Variants in KLHL8 observed in about 807,000 individuals in gnomAD.
KLHL8 encodes the protein kelch-like protein 8.
A neutral mutation model predicts 63.5 loss-of-function variants in KLHL8; 38 were observed. The ratio of observed to expected loss-of-function variants is 0.60; its 90% confidence interval spans 0.46 to 0.78. The LOEUF is 0.78. KLHL8 is among the 30% of genes least tolerant of loss of function. The probability of loss-of-function intolerance (pLI) is 0.00; values close to 1 mark genes in which losing one functional copy is unlikely to be tolerated. For missense variants in KLHL8, 566 were observed against 752.4 expected, an observed-to-expected ratio of 0.75 and a Z score of 2.90; for synonymous variants, 224 against 254.3, an observed-to-expected ratio of 0.88 and a Z score of 1.13.
At position 87,183,369 on chromosome 4, in the gene KLHL8, C is replaced by T. The variant is rs201777476; in HGVS notation, c.786G>A (p.Pro262=). 21 of 1,605,736 alleles carry T rather than the reference C, an allele frequency of 1.3e-5. No individual in the cohort carries two copies. Among genetic ancestry groups the T allele is most frequent in the South Asian group, 1.1e-4 (10 of 90,170 alleles). Residue 262 remains proline (P), a synonymous_variant, in exon 4 of 10, where the codon CCG becomes CCA. Coordinates refer to ENST00000273963, the MANE Select transcript of KLHL8 (RefSeq NM_020803.5). The stretch of plus-strand genomic sequence containing the variant: ...CCACAACACCCATAAGAAAATCAAC[C>T]GGCAACAATGGCAGGCGAACCTAAG... The part of the protein sequence containing the change: ...TLAQVRLPLL[P]VDFLMGVVAK...
At chr4:87,237,582 A>G (rs1733253818) in intron 1 of KLHL8, among the ~76,000 whole-genome samples, 1 of 152,200 alleles carries the variant, frequency 6.6e-6, no homozygotes, top group Non-Finnish European at 1.5e-5. Flanking sequence ...TAATTCCAGC[A>G]CTTTGGGAGG....
chr4:87,164,969 A>G (rs1730328048), intron 8 of KLHL8, among the ~76,000 whole-genome samples: 1 of 151,964 alleles, frequency 6.6e-6, no homozygotes, highest in Non-Finnish European at 1.5e-5. Context: ...TAACACGGTG[A>G]AACCCCGTCT....
upstream of KLHL8, among the ~76,000 whole-genome samples, chr4:87,225,057 C>A (rs1444763640): frequency 1.3e-5 from 2 of 152,042 alleles, no homozygotes; most frequent in Non-Finnish European, 2.9e-5. Flanking sequence ...TTCGGAGTGG[C>A]TGGGATTACA....
intron 3 of KLHL8, 123 bp from the exon 4 acceptor site, chr4:87,183,512 T>A: frequency 1.4e-6 from 1 of 731,464 alleles, no homozygotes. Context: ...TACTGCAGCA[T>A]GTTCTCTTTT....
intron 1 of KLHL8, among the ~76,000 whole-genome samples, chr4:87,226,814 T>A (rs1386494831): frequency 3.3e-4 from 4 of 12,276 alleles, no homozygotes; most frequent in African/African-American, 5.9e-4. Flanking sequence ...ATATATTATA[T>A]ATAATATATA....
chr4:87,162,993 G>C lies in KLHL8; in HGVS notation c.*526C>G, dbSNP rs567013448. 1 of 151,456 alleles carries C rather than the reference G, an allele frequency of 6.6e-6. No homozygotes were observed. The highest frequency in any genetic ancestry group is 2.4e-5 in the African/African-American group (1 of 41,272). The allele number at this position is 151,456 out of a possible 1,614,324, so 9.4% of individuals were successfully genotyped here. ...TTTTTCTACTTCCGTAAATATAAAA[G>C]AAATTGAAAAATCACCACCTAGAAA... On this transcript the variant is annotated 3_prime_UTR_variant, in exon 10 of 10. Transcript: ENST00000273963.
chr4:87,169,866 C>G (rs572325393), intron 8 of KLHL8, among the ~76,000 whole-genome samples: 22 of 21,650 alleles, frequency 1.0e-3, no homozygotes, highest in Non-Finnish European at 6.9e-3. Context: ...CTGTCTCCCT[C>G]TGAAAAAAAA....
chr4:87,178,594 C>G lies in KLHL8; in HGVS notation c.979G>C (p.Gly327Arg). The change falls in exon 5 of 10, where the codon GGT becomes CGT. Residue 327 changes from glycine to arginine, a missense_variant. Physicochemically the swap from Gly to Arg is moderately radical, Grantham distance 125 (BLOSUM62 -2). Coordinates refer to ENST00000273963, the MANE Select transcript of KLHL8 (RefSeq NM_020803.5). ...CTGCGAAAGGGGTCACCAGATCCACCTCGACCACCTACACAAAACAGCACA... is the reference window on the plus strand; with the variant it reads ...CTGCGAAAGGGGTCACCAGATCCACGTCGACCACCTACACAAAACAGCACA... ...AGVLFCVGGR[G>R]GSGDPFRSIE... is the part of the protein sequence containing the mutation. 1 of 1,602,642 alleles carries G rather than the reference C, an allele frequency of 6.2e-7. No homozygotes were observed. The highest frequency in any genetic ancestry group is 2.3e-5 in the East Asian group (1 of 44,002).
chr4:87,224,431 G>C (rs191733479), upstream of KLHL8, among the ~76,000 whole-genome samples: 7 of 152,292 alleles, frequency 4.6e-5, no homozygotes, highest in East Asian at 1.3e-3. Flanking sequence ...CTTGCCGAGG[G>C]ATTTGGAAAG....
intron 8 of KLHL8, among the ~76,000 whole-genome samples, chr4:87,164,594 T>C (rs1730304028): frequency 6.6e-6 from 1 of 152,256 alleles, no homozygotes; most frequent in African/African-American, 2.4e-5. Context: ...GGACTATGAC[T>C]GAATTCTCAC....
At chr4:87,189,868 A>T (rs1731411605) in intron 2 of KLHL8, among the ~76,000 whole-genome samples, 1 of 151,298 alleles carries the variant, frequency 6.6e-6, no homozygotes, top group African/African-American at 2.4e-5. Flanking sequence ...TCTATACTGA[A>T]AATACAAAAA....
At chr4:87,210,348 G>A (rs1350005318) in intron 1 of KLHL8, among the ~76,000 whole-genome samples, 1 of 152,168 alleles carries the variant, frequency 6.6e-6, no homozygotes, top group Non-Finnish European at 1.5e-5. Context: ...AGGCATGGTG[G>A]CGGGCGCCTG....
At chr4:87,182,109 G>A (rs967520918) in intron 4 of KLHL8, among the ~76,000 whole-genome samples, 14 of 151,406 alleles carry the variant, frequency 9.2e-5, no homozygotes, top group Non-Finnish European at 2.9e-5. Context: ...GGCGCCTGTA[G>A]TCCCAGCTAC....
rs890684727 is a variant in KLHL8 at position 87,170,034 on chromosome 4, G to C, written c.1537+45C>G. ...TTTGTTACTCTGTTATATGACACTT[G>C]TCATTGTATATACTGATATATTAGA... On this transcript the variant is annotated intron_variant, in intron 8 of 9. Coordinates refer to ENST00000273963, the MANE Select transcript of KLHL8 (RefSeq NM_020803.5). 2.7e-6 allele frequency: 4 copies of C among 1,462,238 alleles called. No homozygotes were observed. The African/African-American group carries it at 4.2e-5, about 15-fold the overall frequency. 90.6% of individuals were successfully genotyped at this position (1,462,238 alleles called of 1,614,324 possible).
chr4:87,224,469 A>G (rs1732938802), upstream of KLHL8, among the ~76,000 whole-genome samples: 1 of 152,164 alleles, frequency 6.6e-6, no homozygotes, highest in African/African-American at 2.4e-5. Flanking sequence ...TTTTATCTTC[A>G]TTTGCTAGGG....
chr4:87,224,653 C>A (rs1732941272), upstream of KLHL8, among the ~76,000 whole-genome samples: 1 of 152,170 alleles, frequency 6.6e-6, no homozygotes, highest in Non-Finnish European at 1.5e-5. Context: ...CCTATCCTGT[C>A]ACCCTCCTAC....
rs78970231 is a variant in KLHL8 at position 87,215,803 on chromosome 4, T to C, written c.-152+4615A>G. Among the ~76,000 whole-genome samples, 523 of 152,324 alleles carry C rather than the reference T, an allele frequency of 3.4e-3. 14 individuals carry two copies. The East Asian group carries it at 0.077, about 23-fold the overall frequency. On this transcript the variant is annotated intron_variant, in intron 1 of 9. Transcript: ENST00000273963. The stretch of plus-strand genomic sequence containing the variant: ...TAAATGAAAATCACAAATTATAATA[T>C]AATCTACAAAAGCAAACTGTAAATT...
chr4:87,172,320 T>C (rs1730666170), intron 6 of KLHL8, among the ~76,000 whole-genome samples: 1 of 152,158 alleles, frequency 6.6e-6, no homozygotes, highest in African/African-American at 2.4e-5. Context: ...TAAATGGCCC[T>C]GGAAGTGGCT....
At chr4:87,201,187 T>C (rs777059107) in intron 1 of KLHL8, among the ~76,000 whole-genome samples, 2 of 152,238 alleles carry the variant, frequency 1.3e-5, no homozygotes, top group Non-Finnish European at 2.9e-5. Context: ...TCTAGAGATC[T>C]GCTGGACAAC....
Sources: allele counts gnomAD v4.1 joint callset (sites outside exome capture counted in the v4.1 genomes callset), GRCh38; gene constraint gnomAD v4.1.1; transcripts MANE v1.5; gene names NCBI Gene and HGNC (gene_info 2026-07-23, HGNC 2026-07-21).